The following CNTNAP3B variants were observed in gnomAD, a reference collection of about 807,000 sequenced individuals.
The protein encoded by CNTNAP3B is contactin-associated protein-like 3B.
A neutral mutation model predicts 108.9 loss-of-function variants in CNTNAP3B; 25 were observed. The ratio of observed to expected loss-of-function variants is 0.23; its 90% CI spans 0.17 to 0.32. The LOEUF (loss-of-function observed/expected upper bound fraction) is 0.32, where lower values mean the gene tolerates loss of function less well. Ranked by LOEUF, CNTNAP3B falls within the 10% of genes least tolerant of loss-of-function variation. The pLI is 1.00. For synonymous variants in CNTNAP3B, 103 were observed against 473.4 expected (o/e 0.22, Z 10.16); for missense variants, 252 against 1,210.4 (o/e 0.21, Z 11.75).
In CNTNAP3B at chr9:42,002,378, G is replaced by A. The variant is rs1353774547; in HGVS notation, c.539-3774C>T. Among the ~76,000 whole-genome samples the A allele has an allele frequency of 2.6e-5, 2 of 75,682 alleles. 1 individual carries two copies. The highest frequency in any genetic ancestry group is 3.0e-4 in the Admixed American group (2 of 6,618). The allele number at this position is 75,682 out of a possible 152,430, so 49.7% of individuals were successfully genotyped here. On this transcript the variant is annotated intron_variant, in intron 4 of 23. Coordinates refer to ENST00000377561, the MANE Select transcript of CNTNAP3B (RefSeq NM_001201380.3). ...TCATTTTCTTGTGTTAGAGGACCACGAGAGTTTTTAAATGATACTTGAAGA... is the reference window on the plus strand; with the variant it reads ...TCATTTTCTTGTGTTAGAGGACCACAAGAGTTTTTAAATGATACTTGAAGA...
intron 14 of CNTNAP3B, among the ~76,000 whole-genome samples, chr9:41,933,380 G>A (rs1257032352): frequency 3.3e-5 from 5 of 152,250 alleles, no homozygotes; most frequent in Non-Finnish European, 7.3e-5. Flanking sequence ...CCCCGATTGA[G>A]AACTACTGCT....
intron 3 of CNTNAP3B, among the ~76,000 whole-genome samples, chr9:42,042,529 C>T (rs1342931774): frequency 1.5e-5 from 2 of 137,374 alleles, no homozygotes; most frequent in East Asian, 4.3e-4. Context: ...ACATGCACAA[C>T]CATTTTTTTC....
intron 3 of CNTNAP3B, among the ~76,000 whole-genome samples, chr9:42,029,523 A>G (rs1826474307): frequency 1.6e-5 from 2 of 124,438 alleles, no homozygotes; most frequent in African/African-American, 6.8e-5. Context: ...GTATGATCAC[A>G]TATACATTCT....
In CNTNAP3B at chr9:42,110,155, A is replaced by G; in HGVS notation, c.86-5416T>C. On this transcript the variant is annotated intron_variant, in intron 1 of 23. Transcript: ENST00000377561. ...CACAAGGGCCATAGGAAATGAACAC[A>G]CTTTATATGGAATTACATATTGGAT... 2.1e-5 allele frequency among the ~76,000 whole-genome samples: 2 copies of G among 95,292 alleles called. 1 individual carries two copies. The highest frequency in any genetic ancestry group is 7.8e-5 in the African/African-American group (2 of 25,530). 62.5% of individuals were successfully genotyped at this position (95,292 alleles called of 152,430 possible).
intron 17 of CNTNAP3B, among the ~76,000 whole-genome samples, chr9:41,921,573 G>A (rs1270660041): frequency 1.3e-5 from 2 of 152,382 alleles, no homozygotes; most frequent in South Asian, 2.1e-4. Context: ...ATGAACAAGT[G>A]AGAGCTTTAA....
chr9:41,964,329 C>G (rs1396297367), intron 11 of CNTNAP3B, among the ~76,000 whole-genome samples: 1 of 152,174 alleles, frequency 6.6e-6, no homozygotes, highest in Non-Finnish European at 1.5e-5. Context: ...TTCTTTTTTT[C>G]AATCCTATGC....
intron 1 of CNTNAP3B, among the ~76,000 whole-genome samples, chr9:42,118,569 C>A (rs1452813381): frequency 1.6e-5 from 2 of 127,366 alleles, no homozygotes; most frequent in Non-Finnish European, 3.3e-5. Flanking sequence ...CAGCCAATAT[C>A]ATACTGAATG....
chr9:42,021,786 C>T (rs1370044723), intron 3 of CNTNAP3B, among the ~76,000 whole-genome samples: 1 of 132,076 alleles, frequency 7.6e-6, no homozygotes, highest in Non-Finnish European at 1.6e-5. Flanking sequence ...CATGGAAGTT[C>T]AATGTCCTAG....
In CNTNAP3B at chr9:42,107,071, C is replaced by T. The variant is rs1241712722; in HGVS notation, c.86-2332G>A. Among the ~76,000 whole-genome samples the T allele has an allele frequency of 4.4e-5, 4 of 91,000 alleles. 1 individual carries two copies. The highest frequency in any genetic ancestry group is 3.7e-4 in the South Asian group (1 of 2,726). 59.7% of individuals were successfully genotyped at this position (91,000 alleles called of 152,430 possible). A position where few individuals can be genotyped will look rare whatever the true frequency, so the allele number is the denominator to read the frequency against. On this transcript the variant is annotated intron_variant, in intron 1 of 23. Coordinates refer to ENST00000377561, the MANE Select transcript of CNTNAP3B (RefSeq NM_001201380.3). ...GTCCCTGGATTCCTGCAGTATCATG[C>T]GATACATGAAACAGCACTGGGCATT...
At chr9:41,976,832 G>A (rs1250858324) in intron 9 of CNTNAP3B, among the ~76,000 whole-genome samples, 1 of 123,402 alleles carries the variant, frequency 8.1e-6, no homozygotes, top group African/African-American at 3.4e-5. Flanking sequence ...GGTGGAAGAA[G>A]TGCTTGAGCT....
rs1371765993 is a variant in CNTNAP3B at position 42,120,600 on chromosome 9, A to C, written c.85+8410T>G. On this transcript the variant is annotated intron_variant, in intron 1 of 23. Transcript: ENST00000377561. ...ATGTCAATCAATGATAGACTGGATTAAGAAAATGTGGCACATATACACCAT... is the reference window on the plus strand; with the variant it reads ...ATGTCAATCAATGATAGACTGGATTCAGAAAATGTGGCACATATACACCAT... Among the ~76,000 whole-genome samples the C allele has an allele frequency of 1.7e-4, 24 of 137,878 alleles. 3 individuals are homozygous for C. Among genetic ancestry groups the C allele is most frequent in the Non-Finnish European group, 3.1e-4 (20 of 64,572 alleles). 90.5% of individuals were successfully genotyped at this position (137,878 alleles called of 152,430 possible).
In CNTNAP3B at chr9:42,123,696, C is replaced by A. The variant is rs1828509955; in HGVS notation, c.85+5314G>T. Among the ~76,000 whole-genome samples, 2 of 138,104 alleles carry A rather than the reference C, an allele frequency of 1.4e-5. 1 individual carries two copies. Among genetic ancestry groups the A allele is most frequent in the South Asian group, 4.7e-4 (2 of 4,270 alleles). The allele number at this position is 138,104 out of a possible 152,430, so 90.6% of individuals were successfully genotyped here. On this transcript the variant is annotated intron_variant, in intron 1 of 23. Transcript: ENST00000377561. Reference sequence around the variant, plus strand: ...CCTAACTCTACATTTGCCTGAGAAGCAATGACATTCAATAAACTTTTTTCC... The same window carrying A: ...CCTAACTCTACATTTGCCTGAGAAGAAATGACATTCAATAAACTTTTTTCC...
intron 1 of CNTNAP3B, among the ~76,000 whole-genome samples, chr9:42,124,917 C>A (rs1381017458): frequency 7.2e-6 from 1 of 138,184 alleles, no homozygotes; most frequent in Admixed American, 7.2e-5. Flanking sequence ...AGGTAAAATG[C>A]ATCAATTTAA....
chr9:42,129,180 G>C lies in CNTNAP3B; in HGVS notation c.-86C>G. The C allele has an allele frequency of 1.4e-6, 2 of 1,475,210 alleles. No individual in the cohort carries two copies. Among genetic ancestry groups the C allele is most frequent in the South Asian group, 1.3e-5 (1 of 79,860 alleles). 91.4% of individuals were successfully genotyped at this position (1,475,210 alleles called of 1,614,324 possible). On this transcript the variant is annotated 5_prime_UTR_variant, in exon 1 of 24. Transcript: ENST00000377561. The stretch of plus-strand genomic sequence containing the variant: ...TGCTCTCACTCCCGCTCTCACTCCC[G>C]TCCCCTGCGCGGCTCCGACGCTGCT...
rs540680165 is a variant in CNTNAP3B at position 42,110,020 on chromosome 9, T to C, written c.86-5281A>G. 5.0e-4 allele frequency among the ~76,000 whole-genome samples: 69 copies of C among 137,670 alleles called. 10 individuals carry two copies. Among genetic ancestry groups the C allele is most frequent in the Non-Finnish European group, 1.6e-4 (10 of 64,466 alleles). The allele number at this position is 137,670 out of a possible 152,430, so 90.3% of individuals were successfully genotyped here. On this transcript the variant is annotated intron_variant, in intron 1 of 23. Coordinates refer to ENST00000377561, the MANE Select transcript of CNTNAP3B (RefSeq NM_001201380.3). ...GTCCCCCTAGAGCCTTCGTAGGGAG[T>C]GTGGCCCATCTTGATTTTGGACTAG...
At chr9:41,979,709 A>T (rs1825587797) in intron 9 of CNTNAP3B, 2 of 76,932 alleles carry the variant, frequency 2.6e-5, no homozygotes, top group Non-Finnish European at 5.2e-5. Flanking sequence ...CCTCCCAAGT[A>T]GCTGGGATTA....
In CNTNAP3B at chr9:42,100,324, A is replaced by G. The variant is rs1186866450; in HGVS notation, c.196+4305T>C. On this transcript the variant is annotated intron_variant, in intron 2 of 23. Transcript: ENST00000377561. ...TTGGGTCAGCAGACATGTTACAGCT[A>G]CAGACTCTTATGTTTTCTCTCTTTA... Among the ~76,000 whole-genome samples, 2 of 54,264 alleles carry G rather than the reference A, an allele frequency of 3.7e-5. 1 individual carries two copies. The highest frequency in any genetic ancestry group is 1.1e-4 in the African/African-American group (2 of 18,544). 35.6% of individuals were successfully genotyped at this position (54,264 alleles called of 152,430 possible). A position where few individuals can be genotyped will look rare whatever the true frequency, so the allele number is the denominator to read the frequency against.
intron 13 of CNTNAP3B, 106 bp downstream of exon 13, chr9:41,953,077 G>C: frequency 2.4e-6 from 3 of 1,267,144 alleles, no homozygotes; most frequent in Non-Finnish European, 3.1e-6. Context: ...TTTGAACTAA[G>C]AGCCACGGGA....
chr9:42,046,564 GGAGTTTGAAAGGT>G (rs1826879655), intron 3 of CNTNAP3B, among the ~76,000 whole-genome samples: 1 of 118,236 alleles, frequency 8.5e-6, no homozygotes, highest in African/African-American at 3.5e-5. Context: ...AATTCACAAA[GGAGTTTGAAAGGT>G]GATAGCAGCT....
Sources: gnomAD v4.1 joint callset for allele counts (sites outside exome capture counted in the v4.1 genomes callset) on GRCh38, gnomAD v4.1.1 for gene constraint, MANE v1.5 for transcripts, NCBI Gene and HGNC (gene_info 2026-07-23, HGNC 2026-07-21) for gene names.